The following MYL4 variants were observed in gnomAD, a reference collection of about 807,000 sequenced individuals.
MYL4 encodes the protein atrial myosin light chain 1.
MYL4 carries 16 observed loss-of-function variants against 21.6 expected under a neutral mutation model. The ratio of observed to expected loss-of-function variants is 0.74; its 90% CI spans 0.50 to 1.12. The LOEUF (loss-of-function observed/expected upper bound fraction) is 1.12, where lower values mean the gene tolerates loss of function less well. MYL4 is among the 50% of genes most tolerant of loss of function. MYL4 has a pLI of 0.00. For synonymous variants in MYL4, 82 were observed against 95.7 expected, an observed-to-expected ratio of 0.86 and a Z score of 0.83; for missense variants, 249 against 252.9, an observed-to-expected ratio of 0.98 and a Z score of 0.11.
chr17:47,213,355 C>T (rs1023321037), intron 1 of MYL4, among the ~76,000 whole-genome samples: 1 of 152,108 alleles, frequency 6.6e-6, no homozygotes, highest in Non-Finnish European at 1.5e-5. Context: ...CCCACGGATA[C>T]CAAAATCTGA....
At chr17:47,199,527 C>A (rs936255025), upstream of MYL4, among the ~76,000 whole-genome samples, 3 of 152,058 alleles carry the variant, frequency 2.0e-5, no homozygotes, top group Non-Finnish European at 4.4e-5. Context: ...CCATTCCTGG[C>A]CCCAAGGAGC....
At chr17:47,206,848 T>C (rs999101007), upstream of MYL4, among the ~76,000 whole-genome samples, 2 of 152,116 alleles carry the variant, frequency 1.3e-5, no homozygotes, top group Non-Finnish European at 2.9e-5. Flanking sequence ...AATCCCAGTT[T>C]GTATATTTTT....
downstream of MYL4, among the ~76,000 whole-genome samples, chr17:47,227,044 T>C (rs1044103653): frequency 6.6e-6 from 1 of 152,100 alleles, no homozygotes; most frequent in Non-Finnish European, 1.5e-5. Flanking sequence ...TTAGTAGAGA[T>C]GGGGTTTCAC....
At chr17:47,210,916 T>C (rs2149041878) in intron 1 of MYL4, among the ~76,000 whole-genome samples, 1 of 152,234 alleles carries the variant, frequency 6.6e-6, no homozygotes, top group Middle Eastern at 3.4e-3. Context: ...TCAGGATCCC[T>C]CCTCGCCTTT....
At chr17:47,224,352 G>C (rs1415324696), downstream of MYL4, among the ~76,000 whole-genome samples, 1 of 152,150 alleles carries the variant, frequency 6.6e-6, no homozygotes, top group Non-Finnish European at 1.5e-5. Context: ...GATCTTGTGA[G>C]ACTTATTCAC....
the MYL4 span, among the ~76,000 whole-genome samples, chr17:47,194,894 C>T: frequency 6.6e-6 from 1 of 152,078 alleles, no homozygotes; most frequent in South Asian, 2.1e-4. Context: ...GTGCATGCCA[C>T]CACGCCTGGC....
At chr17:47,213,896 A>C in intron 2 of MYL4, 70 bp downstream of exon 2, 7 of 1,513,720 alleles carry the variant, frequency 4.6e-6, no homozygotes, top group Non-Finnish European at 5.5e-6. Context: ...AGGAGGAAGA[A>C]GAGGAGGAGT....
intron 1 of MYL4, among the ~76,000 whole-genome samples, chr17:47,202,765 A>C (rs2064714282): frequency 6.6e-6 from 1 of 152,204 alleles, no homozygotes; most frequent in East Asian, 1.9e-4. Context: ...GCATTATTTA[A>C]ACTTTTCTTG....
the MYL4 span, among the ~76,000 whole-genome samples, chr17:47,194,765 T>C: frequency 2.1e-5 from 3 of 145,880 alleles, no homozygotes; most frequent in South Asian, 2.2e-4. Context: ...TTACATAGAA[T>C]TTTTTTTTTT....
At chr17:47,211,990 C>T (rs764329609) in intron 1 of MYL4, among the ~76,000 whole-genome samples, 3 of 152,000 alleles carry the variant, frequency 2.0e-5, no homozygotes, top group East Asian at 1.9e-4. Context: ...TTTGGGAGGT[C>T]GAGGCAGGTG....
chr17:47,213,691 A>T, intron 1 of MYL4, 108 bp from the exon 2 acceptor site: 4 of 1,045,018 alleles, frequency 3.8e-6, no homozygotes, highest in Non-Finnish European at 4.5e-6. Flanking sequence ...GGCCTGCTGG[A>T]GGTGGCCATA....
At chr17:47,214,664 T>G (rs1388261489) in intron 2 of MYL4, among the ~76,000 whole-genome samples, 1 of 152,224 alleles carries the variant, frequency 6.6e-6, no homozygotes, top group Admixed American at 6.5e-5. Flanking sequence ...AATCCTTTTT[T>G]TCCATGCTGA....
intron 1 of MYL4, among the ~76,000 whole-genome samples, chr17:47,202,167 G>C (rs2064711994): frequency 6.6e-6 from 1 of 152,012 alleles, no homozygotes; most frequent in Non-Finnish European, 1.5e-5. Context: ...TGTATTTTTA[G>C]TAGAGAAGGG....
At chr17:47,198,420 CA>C (rs1283720017), upstream of MYL4, among the ~76,000 whole-genome samples, 1 of 151,788 alleles carries the variant, frequency 6.6e-6, no homozygotes, top group African/African-American at 2.4e-5. Flanking sequence ...ATATCTATAG[CA>C]TCTGGAGTGG....
upstream of MYL4, among the ~76,000 whole-genome samples, chr17:47,208,266 CA>C (rs1043392485): frequency 4.0e-5 from 6 of 151,894 alleles, no homozygotes; most frequent in East Asian, 7.7e-4. Context: ...AAACAAAAAA[CA>C]AAAAAACTCC....
In MYL4 at chr17:47,220,039, A is replaced by G; in HGVS notation, c.299A>G (p.Lys100Arg). 1 of 1,613,568 alleles carries G rather than the reference A, an allele frequency of 6.2e-7. No homozygotes were observed. Among genetic ancestry groups the G allele is most frequent in the Non-Finnish European group, 8.5e-7 (1 of 1,179,710 alleles). Reference protein sequence around the residue: ...TNAEVLRVLGKPKPEEMNVKM... With the variant: ...TNAEVLRVLGRPKPEEMNVKM... ...GCCGAGGTGCTGCGTGTGCTGGGCA[A>G]GCCCAAGCCTGAAGGTCAGTGCGGC... The change falls in exon 3 of 7, where the codon AAG becomes AGG. Residue 100 changes from lysine (K) to arginine (R), a missense_variant. Coordinates refer to ENST00000393450, the MANE Select transcript of MYL4 (RefSeq NM_002476.2).
At chr17:47,210,622 C>T (rs2064766876) in intron 1 of MYL4, among the ~76,000 whole-genome samples, 1 of 152,082 alleles carries the variant, frequency 6.6e-6, no homozygotes, top group Admixed American at 6.5e-5. Flanking sequence ...GAAATTAAAA[C>T]CCAGAGCTCT....
chr17:47,198,994 G>A (rs927075192), upstream of MYL4, among the ~76,000 whole-genome samples: 1 of 151,766 alleles, frequency 6.6e-6, no homozygotes, highest in Non-Finnish European at 1.5e-5. Context: ...CAGCACTTTG[G>A]GAGGCCGAGG....
chr17:47,208,326 C>G (rs191466510), upstream of MYL4, among the ~76,000 whole-genome samples: 1 of 152,034 alleles, frequency 6.6e-6, no homozygotes, highest in Non-Finnish European at 1.5e-5. Context: ...CCCAGCTACT[C>G]GGAAGGCTGA....
Sources: gnomAD v4.1 joint callset for allele counts (sites outside exome capture counted in the v4.1 genomes callset) on GRCh38, gnomAD v4.1.1 for gene constraint, MANE v1.5 for transcripts, NCBI Gene and HGNC (gene_info 2026-07-23, HGNC 2026-07-21) for gene names.